Variants in PRICKLE1 observed in about 807,000 individuals in gnomAD.
The protein encoded by PRICKLE1 is prickle planar cell polarity protein 1, also known as prickle-like protein 1.
PRICKLE1 carries 14 observed loss-of-function variants against 70.2 expected under a neutral mutation model. The observed-to-expected ratio is 0.20, with a 90% CI of 0.13 to 0.31. The LOEUF (loss-of-function observed/expected upper bound fraction) is 0.31, where lower values mean the gene tolerates loss of function less well. Ranked by LOEUF, PRICKLE1 falls within the 10% of genes least tolerant of loss-of-function variation. PRICKLE1 has a pLI of 1.00. For synonymous variants in PRICKLE1, 357 were observed against 379.9 expected (o/e 0.94, Z 0.70); for missense variants, 821 against 1,026.2 (o/e 0.80, Z 2.73).
chr12:42,490,081 G>T (rs902989459), intron 1 of PRICKLE1: 1 of 152,122 alleles, frequency 6.6e-6, no homozygotes, highest in African/African-American at 2.4e-5. Context: ...ATAAATGACT[G>T]GTCTAATTTT....
intron 1 of PRICKLE1, among the ~76,000 whole-genome samples, chr12:42,520,686 AT>A (rs2120469661): frequency 6.6e-6 from 1 of 152,364 alleles, no homozygotes; most frequent in Non-Finnish European, 1.5e-5. Context: ...AACTTTTAAA[AT>A]GTTCTTTAAT....
At chr12:42,542,430 C>G (rs1028577113) in intron 1 of PRICKLE1, among the ~76,000 whole-genome samples, 1 of 152,206 alleles carries the variant, frequency 6.6e-6, no homozygotes, top group African/African-American at 2.4e-5. Flanking sequence ...ATGGGTGGAT[C>G]ACCTAAGGTC....
Position 42,541,680 on chromosome 12 carries a change from A to G in PRICKLE1, c.-49+47785T>C, listed in dbSNP as rs183849258. On this transcript the variant is annotated intron_variant, in intron 1 of 7. Coordinates refer to ENST00000345127, the MANE Select transcript of PRICKLE1 (RefSeq NM_153026.3). ...TGAGCACAGAACTGTTTTCCTCATC[A>G]AAGTCAAGAGACAGCAGTCCCAGTA... 7.2e-5 allele frequency among the ~76,000 whole-genome samples: 11 copies of G among 152,116 alleles called. No homozygotes were observed. The East Asian group carries it at 1.9e-3, about 27-fold the overall frequency.
In PRICKLE1 at chr12:42,459,322, G is replaced by C; in HGVS notation, c.*487C>G. On this transcript the variant is annotated 3_prime_UTR_variant, in exon 8 of 8. Transcript: ENST00000345127. ...ATGTTTACCTGGCCAAAGAGGGTTC[G>C]AGGGGACAAGCTGGCCTCACAATAA... 1 of 702,068 alleles carries C rather than the reference G, an allele frequency of 1.4e-6. No individual in the cohort carries two copies. Among genetic ancestry groups the C allele is most frequent in the Middle Eastern group, 2.3e-4 (1 of 4,370 alleles). The allele number at this position is 702,068 out of a possible 1,614,324, so 43.5% of individuals were successfully genotyped here. A position where few individuals can be genotyped will look rare whatever the true frequency, so the allele number is the denominator to read the frequency against.
intron 1 of PRICKLE1, among the ~76,000 whole-genome samples, chr12:42,527,574 C>T (rs1173053660): frequency 1.3e-5 from 2 of 152,150 alleles, no homozygotes; most frequent in African/African-American, 4.8e-5. Flanking sequence ...AGGCCAATTA[C>T]TCAGACTTTA....
At chr12:42,505,135 T>G (rs1012393618) in intron 1 of PRICKLE1, among the ~76,000 whole-genome samples, 1 of 152,078 alleles carries the variant, frequency 6.6e-6, no homozygotes, top group Non-Finnish European at 1.5e-5. Context: ...TGAGACTCCA[T>G]CTCAAAAAAC....
chr12:42,555,821 A>G (rs1940405194), intron 1 of PRICKLE1, among the ~76,000 whole-genome samples: 1 of 152,220 alleles, frequency 6.6e-6, no homozygotes, highest in South Asian at 2.1e-4. Context: ...CATTTTCTTT[A>G]TATACCACTT....
chr12:42,554,583 A>C (rs1236996394), intron 1 of PRICKLE1, among the ~76,000 whole-genome samples: 3 of 152,190 alleles, frequency 2.0e-5, no homozygotes, highest in Non-Finnish European at 4.4e-5. Context: ...CAAGTTACTC[A>C]AAGGGCGAAC....
intron 1 of PRICKLE1, among the ~76,000 whole-genome samples, chr12:42,494,123 A>G (rs1226507020): frequency 1.3e-5 from 2 of 152,230 alleles, no homozygotes; most frequent in Non-Finnish European, 2.9e-5. Flanking sequence ...AAAAATGCTA[A>G]TGATCATCTG....
At chr12:42,489,385 C>T (rs142797130) in intron 1 of PRICKLE1, among the ~76,000 whole-genome samples, 5,846 of 151,126 alleles carry the variant, frequency 0.039, 367 homozygotes, top group African/African-American at 0.13. Context: ...TAAGGCCGGG[C>T]GCAGTGGCTC....
chr12:42,543,339 C>T (rs1940149543), intron 1 of PRICKLE1, among the ~76,000 whole-genome samples: 1 of 151,248 alleles, frequency 6.6e-6, no homozygotes, highest in African/African-American at 2.4e-5. Context: ...CGCTGACTTC[C>T]TGAGCAGCCA....
At chr12:42,567,819 G>T in intron 1 of PRICKLE1, among the ~76,000 whole-genome samples, 1 of 147,774 alleles carries the variant, frequency 6.8e-6, no homozygotes, top group Admixed American at 6.7e-5. Flanking sequence ...AAAAAAAGAG[G>T]TATAAGCGTT....
intron 1 of PRICKLE1, among the ~76,000 whole-genome samples, chr12:42,567,782 G>C (rs934722071): frequency 1.5e-5 from 2 of 136,584 alleles, no homozygotes; most frequent in Non-Finnish European, 3.1e-5. Flanking sequence ...AGCCAAGATC[G>C]TGCCACTTCA....
chr12:42,557,903 G>A (rs1940439421), intron 1 of PRICKLE1, among the ~76,000 whole-genome samples: 1 of 152,158 alleles, frequency 6.6e-6, no homozygotes, highest in South Asian at 2.1e-4. Context: ...TAAAATAAGA[G>A]ACTGTTGCTT....
rs567553670 is a variant in PRICKLE1 at position 42,464,020 on chromosome 12, T to G, written c.1639+375A>C. ...TTGAATAACACACAACTCCTACTCATGCTGAATTGCAATTTTTTTTTTTTT... is the reference window on the plus strand; with the variant it reads ...TTGAATAACACACAACTCCTACTCAGGCTGAATTGCAATTTTTTTTTTTTT... On this transcript the variant is annotated intron_variant, in intron 7 of 7. Transcript: ENST00000345127. The surrounding 1 kb of genome is among the most constrained non-coding windows in gnomAD (Gnocchi z 4.2). Among the ~76,000 whole-genome samples the G allele has an allele frequency of 6.6e-6, 1 of 152,138 alleles. No individual in the cohort carries two copies. The highest frequency in any genetic ancestry group is 2.1e-4 in the South Asian group (1 of 4,828).
At position 42,464,419 on chromosome 12, in the gene PRICKLE1, A is replaced by G. The variant is rs1431820148; in HGVS notation, c.1615T>C (p.Ser539Pro). The change falls in exon 7 of 8, where the codon TCT becomes CCT. Residue 539 changes from serine to proline, a missense_variant. Coordinates refer to ENST00000345127, the MANE Select transcript of PRICKLE1 (RefSeq NM_153026.3). This position sits in a 1 kb window ranked among gnomAD's most constrained non-coding sequence, Gnocchi z 4.2. ...PEQSVRDSMD[S>P]LALSNITGAS... Reference sequence around the variant, plus strand: ...CCTGTGATATTGGACAATGCCAAAGAATCCATCGAATCCCGAACACTTTGC... The same window carrying G: ...CCTGTGATATTGGACAATGCCAAAGGATCCATCGAATCCCGAACACTTTGC... 1.2e-6 allele frequency: 2 copies of G among 1,614,146 alleles called. No individual in the cohort carries two copies. Among genetic ancestry groups the G allele is most frequent in the Non-Finnish European group, 1.7e-6 (2 of 1,180,024 alleles).
At chr12:42,514,326 T>C (rs1340035497) in intron 1 of PRICKLE1, among the ~76,000 whole-genome samples, 6 of 152,324 alleles carry the variant, frequency 3.9e-5, no homozygotes, top group Admixed American at 1.3e-4. Flanking sequence ...CTGTGTATGC[T>C]TGTGTGTCAG....
intron 1 of PRICKLE1, among the ~76,000 whole-genome samples, chr12:42,583,147 ACG>A (rs914214809): frequency 3.2e-5 from 3 of 94,356 alleles, no homozygotes; most frequent in East Asian, 3.1e-4. Context: ...TTAGATTGAA[ACG>A]TGTGTGTGTG....
At chr12:42,550,018 C>A (rs1940285208) in intron 1 of PRICKLE1, among the ~76,000 whole-genome samples, 1 of 152,238 alleles carries the variant, frequency 6.6e-6, no homozygotes, top group Non-Finnish European at 1.5e-5. Context: ...TTGTTTGACA[C>A]CTTTGCACAT....
Sources: gnomAD v4.1 joint callset for allele counts (sites outside exome capture counted in the v4.1 genomes callset) on GRCh38, gnomAD v4.1.1 for gene constraint, Gnocchi (gnomAD v3.1) non-coding constraint, MANE v1.5 for transcripts, NCBI Gene and HGNC (gene_info 2026-07-23, HGNC 2026-07-21) for gene names.